The following SOCS2 variants were observed in gnomAD, a reference collection of about 807,000 sequenced individuals.
SOCS2 encodes the protein suppressor of cytokine signaling 2.
SOCS2 carries 10 observed loss-of-function variants against 18.6 expected under a neutral mutation model. The observed-to-expected ratio is 0.54, with a 90% confidence interval of 0.33 to 0.91. The LOEUF is 0.91. Ranked by LOEUF, SOCS2 falls within the 40% of genes least tolerant of loss-of-function variation. SOCS2 has a pLI of 0.02. For synonymous variants in SOCS2, 104 were observed against 104.0 expected (o/e 1.00, Z 0.00); for missense variants, 231 against 247.2 (o/e 0.93, Z 0.44).
At chr12:93,606,277 G>A in the SOCS2 span, among the ~76,000 whole-genome samples, 8 of 152,180 alleles carry the variant, frequency 5.3e-5, no homozygotes, top group Non-Finnish European at 1.0e-4. Flanking sequence ...TTCTATTCCT[G>A]TAGAAGGAGA....
the SOCS2 span, among the ~76,000 whole-genome samples, chr12:93,601,146 T>C: frequency 1.3e-5 from 2 of 151,484 alleles, no homozygotes; most frequent in Non-Finnish European, 2.9e-5. Context: ...GTTAGTTTTG[T>C]GCTGGTATAT....
intron 1 of SOCS2, chr12:93,573,486 A>G (rs1297671229): frequency 6.5e-6 from 2 of 308,058 alleles, no homozygotes; most frequent in Non-Finnish European, 1.2e-5. Context: ...AAGTTCAGGG[A>G]CTGACACTGC....
At chr12:93,588,783 A>T in the SOCS2 span, among the ~76,000 whole-genome samples, 4 of 147,692 alleles carry the variant, frequency 2.7e-5, no homozygotes, top group Middle Eastern at 3.5e-3. Context: ...AGCCTAGCTA[A>T]TTTTTTTTTT....
At chr12:93,607,627 G>GTGCCAAGCAAAATTCACAGGGA in the SOCS2 span, among the ~76,000 whole-genome samples, 9 of 152,162 alleles carry the variant, frequency 5.9e-5, no homozygotes, top group African/African-American at 2.2e-4. Context: ...ATTCACAGGG[G>GTGCCAAGCAAAATTCACAGGGA]TGCCAAGCAA....
At chr12:93,583,179 T>C (rs2136714325) in exon 2 of SOCS2, 1 of 152,206 alleles carries the variant, frequency 6.6e-6, no homozygotes, top group East Asian at 1.9e-4. Flanking sequence ...ATCATCATCA[T>C]CATCATAACC....
downstream of SOCS2, among the ~76,000 whole-genome samples, chr12:93,587,968 A>T (rs530031056): frequency 2.2e-4 from 34 of 152,204 alleles, no homozygotes; most frequent in Non-Finnish European, 4.3e-4. Context: ...ACCGCATCAG[A>T]TTTGGTGGCA....
chr12:93,585,896 AT>A (rs1592839015), downstream of SOCS2, among the ~76,000 whole-genome samples: 1 of 152,252 alleles, frequency 6.6e-6, no homozygotes, highest in Non-Finnish European at 1.5e-5. Flanking sequence ...TAGTATTTGC[AT>A]ATAACCGGCA....
chr12:93,603,618 TA>T, the SOCS2 span, among the ~76,000 whole-genome samples: 38 of 151,894 alleles, frequency 2.5e-4, no homozygotes, highest in South Asian at 7.7e-3. Flanking sequence ...TTACCTTTAT[TA>T]TTTTTTTTAA....
chr12:93,621,308 G>C, the SOCS2 span, among the ~76,000 whole-genome samples: 1 of 151,696 alleles, frequency 6.6e-6, no homozygotes, highest in Non-Finnish European at 1.5e-5. Context: ...AAGCACCTGA[G>C]GGGATGTTGG....
At chr12:93,614,468 TTCCTTCCTTCCTTTCCTTCC>T in the SOCS2 span, among the ~76,000 whole-genome samples, 1 of 91,212 alleles carries the variant, frequency 1.1e-5, no homozygotes, top group Non-Finnish European at 2.0e-5. Context: ...CCTTCCTTCC[TTCCTTCCTTCCTTTCCTTCC>T]TTCCTTCCTT....
chr12:93,609,190 G>C, the SOCS2 span, among the ~76,000 whole-genome samples: 5 of 152,112 alleles, frequency 3.3e-5, no homozygotes, highest in Non-Finnish European at 5.9e-5. Flanking sequence ...TCAGGAGTTC[G>C]GGACCTGCCT....
chr12:93,589,543 C>CT, the SOCS2 span, among the ~76,000 whole-genome samples: 1 of 152,204 alleles, frequency 6.6e-6, no homozygotes, highest in East Asian at 1.9e-4. Context: ...TCCCCATTCC[C>CT]TTTTTTTGTT....
At chr12:93,590,695 G>A in the SOCS2 span, among the ~76,000 whole-genome samples, 1 of 146,918 alleles carries the variant, frequency 6.8e-6, no homozygotes, top group Non-Finnish European at 1.5e-5. Context: ...TCCGGAGGCT[G>A]AGGCAGAAAG....
chr12:93,619,673 C>CT, the SOCS2 span, among the ~76,000 whole-genome samples: 2 of 152,080 alleles, frequency 1.3e-5, no homozygotes, highest in Non-Finnish European at 2.9e-5. Context: ...GTTACCATAC[C>CT]CTATTAAAGA....
chr12:93,594,566 C>CA, the SOCS2 span, among the ~76,000 whole-genome samples: 1 of 152,058 alleles, frequency 6.6e-6, no homozygotes, highest in South Asian at 2.1e-4. Context: ...TTTTGTTTTC[C>CA]AAATCAAGAA....
chr12:93,595,671 ATCTATAG>A, the SOCS2 span, among the ~76,000 whole-genome samples: 2 of 152,332 alleles, frequency 1.3e-5, no homozygotes, highest in South Asian at 2.1e-4. Context: ...AACAACCACC[ATCTATAG>A]TCTTCCTGTA....
chr12:93,617,808 A>G, the SOCS2 span, among the ~76,000 whole-genome samples: 1 of 152,170 alleles, frequency 6.6e-6, no homozygotes, highest in African/African-American at 2.4e-5. Context: ...AAATCCATTT[A>G]CATCTCTCCA....
the SOCS2 span, among the ~76,000 whole-genome samples, chr12:93,624,923 T>C: frequency 6.6e-6 from 1 of 152,236 alleles, no homozygotes; most frequent in African/African-American, 2.4e-5. Context: ...ATATAGTGAC[T>C]AATGCTTCTT....
At chr12:93,602,296 A>C in the SOCS2 span, among the ~76,000 whole-genome samples, 1 of 152,130 alleles carries the variant, frequency 6.6e-6, no homozygotes, top group Non-Finnish European at 1.5e-5. Context: ...AGGTCTCACT[A>C]TGTTGCTCAG....
Sources: gnomAD v4.1 joint callset for allele counts (sites outside exome capture counted in the v4.1 genomes callset) on GRCh38, gnomAD v4.1.1 for gene constraint, MANE v1.5 for transcripts, NCBI Gene and HGNC (gene_info 2026-07-23, HGNC 2026-07-21) for gene names.